TSC22D1: variants seen among roughly 807,000 people sequenced by gnomAD.
TSC22D1 encodes TSC22 domain family member 1, also known as TSC22 domain family protein 1.
A neutral mutation model predicts 74.2 loss-of-function variants in TSC22D1; 9 were observed. The ratio of observed to expected loss-of-function variants is 0.12; its 90% CI spans 0.07 to 0.21. TSC22D1 has a LOEUF of 0.21. Ranked by LOEUF, TSC22D1 falls within the 10% of genes least tolerant of loss-of-function variation. TSC22D1 has a pLI of 1.00. For synonymous variants in TSC22D1, 586 were observed against 492.5 expected (o/e 1.19, Z -2.51); for missense variants, 1,427 against 1,304.7 (o/e 1.09, Z -1.44).
At position 44,434,167 on chromosome 13, in the gene TSC22D1, T is replaced by C; in HGVS notation, c.*459A>G. 6.8e-7 allele frequency: 1 copy of C among 1,478,308 alleles called. No individual in the cohort carries two copies. The highest frequency in any genetic ancestry group is 1.4e-5 in the South Asian group (1 of 73,938). 91.6% of individuals were successfully genotyped at this position (1,478,308 alleles called of 1,614,324 possible). ...TGAACTCTGTTCCCCCTCATTTTAG[T>C]CTTTTTACCCTCCTTTCAAGTTCCT... On this transcript the variant is annotated 3_prime_UTR_variant, in exon 3 of 3. Coordinates refer to ENST00000458659, the MANE Select transcript of TSC22D1 (RefSeq NM_183422.4).
rs1341806098 is a variant in TSC22D1 at position 44,433,715 on chromosome 13, T to C, written c.*911A>G. On this transcript the variant is annotated 3_prime_UTR_variant, in exon 3 of 3. Transcript: ENST00000458659. ...GCATTTTTCAAAGTATTCAACCAGC[T>C]CAATTGAAAGACTTCAGTGAACAAG... The C allele has an allele frequency of 2.2e-6, 1 of 451,998 alleles. No individual in the cohort carries two copies. The highest frequency in any genetic ancestry group is 3.9e-6 in the Non-Finnish European group (1 of 259,062). 28.0% of individuals were successfully genotyped at this position (451,998 alleles called of 1,614,324 possible). A position where few individuals can be genotyped will look rare whatever the true frequency, so the allele number is the denominator to read the frequency against.
At chr13:44,509,487 A>T (rs966821033) in intron 1 of TSC22D1, among the ~76,000 whole-genome samples, 1 of 152,182 alleles carries the variant, frequency 6.6e-6, no homozygotes, top group African/African-American at 2.4e-5. Flanking sequence ...AAAAATACAA[A>T]AAATGAGCCG....
At chr13:44,538,902 G>T in intron 1 of TSC22D1, 2 of 985,310 alleles carry the variant, frequency 2.0e-6, no homozygotes, top group Non-Finnish European at 2.4e-6. Context: ...GGCAATTAAA[G>T]AACAAATAAA....
chr13:44,528,820 T>C (rs1006742818), intron 1 of TSC22D1, among the ~76,000 whole-genome samples: 9 of 152,034 alleles, frequency 5.9e-5, no homozygotes, highest in Non-Finnish European at 1.3e-4. Flanking sequence ...ACTGATCCCA[T>C]GGGTATTAAA....
intron 1 of TSC22D1, among the ~76,000 whole-genome samples, chr13:44,476,036 C>T (rs192792664): frequency 2.1e-4 from 32 of 152,318 alleles, no homozygotes; most frequent in Admixed American, 1.8e-3. Context: ...ATATAATATA[C>T]TCTGGGGACT....
At chr13:44,491,714 C>T (rs1326744825) in intron 1 of TSC22D1, among the ~76,000 whole-genome samples, 1 of 152,074 alleles carries the variant, frequency 6.6e-6, no homozygotes, top group Non-Finnish European at 1.5e-5. Flanking sequence ...ACATGCTTAG[C>T]TTGAAATTAA....
chr13:44,439,339 T>A (rs1224248614), intron 1 of TSC22D1, among the ~76,000 whole-genome samples: 1 of 152,226 alleles, frequency 6.6e-6, no homozygotes, highest in Non-Finnish European at 1.5e-5. Flanking sequence ...TCTCATATAT[T>A]TCACATAAAT....
chr13:44,485,488 C>T (rs2137943134), intron 1 of TSC22D1, among the ~76,000 whole-genome samples: 1 of 152,108 alleles, frequency 6.6e-6, no homozygotes. Context: ...AAATATTAGA[C>T]CTCTAGATTA....
chr13:44,516,957 C>A (rs1880018459), intron 1 of TSC22D1, among the ~76,000 whole-genome samples: 1 of 151,562 alleles, frequency 6.6e-6, no homozygotes, highest in African/African-American at 2.4e-5. Context: ...CTTCTTCCTG[C>A]CACCTGCTGA....
chr13:44,487,521 A>AAAAAAAAAAAG (rs1566135759), intron 1 of TSC22D1, among the ~76,000 whole-genome samples: 2 of 147,816 alleles, frequency 1.4e-5, no homozygotes, highest in South Asian at 2.1e-4. Flanking sequence ...AAAAAAAAAA[A>AAAAAAAAAAAG]AAAAAAGAAA....
chr13:44,458,562 A>G (rs1325903932), intron 1 of TSC22D1, among the ~76,000 whole-genome samples: 1 of 151,974 alleles, frequency 6.6e-6, no homozygotes, highest in East Asian at 1.9e-4. Flanking sequence ...AGTTAGCAGG[A>G]CAGAAGCCTG....
intron 1 of TSC22D1, among the ~76,000 whole-genome samples, chr13:44,494,324 C>T (rs948312629): frequency 7.8e-6 from 1 of 127,480 alleles, no homozygotes; most frequent in South Asian, 2.5e-4. Context: ...TGCAGTGAGC[C>T]GAGATCACAC....
At chr13:44,551,313 GTGTGT>G (rs1566169370) in intron 1 of TSC22D1, among the ~76,000 whole-genome samples, 17 of 139,086 alleles carry the variant, frequency 1.2e-4, no homozygotes, top group African/African-American at 4.5e-4. Context: ...AGCTGGGGGT[GTGTGT>G]GTGTGTGTGT....
rs371006576 is a variant in TSC22D1 at position 44,576,267 on chromosome 13, G to C, written c.-193C>G. The C allele has an allele frequency of 2.5e-6, 2 of 808,820 alleles. No homozygotes were observed. The highest frequency in any genetic ancestry group is 1.7e-5 in the African/African-American group (1 of 57,584). 50.1% of individuals were successfully genotyped at this position (808,820 alleles called of 1,614,324 possible). A position where few individuals can be genotyped will look rare whatever the true frequency, so the allele number is the denominator to read the frequency against. On this transcript the variant is annotated 5_prime_UTR_variant, in exon 1 of 3. Coordinates refer to ENST00000458659, the MANE Select transcript of TSC22D1 (RefSeq NM_183422.4). Reference sequence around the variant, plus strand: ...GCGAGCTTCGGAAAGGAGGATGAACGAGGGTGAACAGGGCGGCCGGGGACC... The same window carrying C: ...GCGAGCTTCGGAAAGGAGGATGAACCAGGGTGAACAGGGCGGCCGGGGACC...
chr13:44,444,838 G>A (rs1875508601), intron 1 of TSC22D1, among the ~76,000 whole-genome samples: 1 of 151,950 alleles, frequency 6.6e-6, no homozygotes, highest in African/African-American at 2.4e-5. Flanking sequence ...TTCTTATAAA[G>A]ACACAACCTA....
At chr13:44,446,901 T>G (rs1875725407) in intron 1 of TSC22D1, among the ~76,000 whole-genome samples, 2 of 152,074 alleles carry the variant, frequency 1.3e-5, no homozygotes, top group Admixed American at 6.6e-5. Flanking sequence ...TATCTAATCT[T>G]TATATTTTCA....
rs1410300240 is a variant in TSC22D1, at chr13:44,433,119, T to G, written c.*1507A>C. 1 of 152,242 alleles carries G rather than the reference T, an allele frequency of 6.6e-6. No individual in the cohort carries two copies. The highest frequency in any genetic ancestry group is 1.9e-4 in the East Asian group (1 of 5,200). The allele number at this position is 152,242 out of a possible 1,614,324, so 9.4% of individuals were successfully genotyped here. On this transcript the variant is annotated 3_prime_UTR_variant, in exon 3 of 3. Transcript: ENST00000458659. Reference sequence around the variant, plus strand: ...ATCAGCTTCTCCAACTTCCGTCTTTTGATCCTAGATCTGCTTATTCCAATT... The same window carrying G: ...ATCAGCTTCTCCAACTTCCGTCTTTGGATCCTAGATCTGCTTATTCCAATT...
chr13:44,456,221 C>T (rs1876625116), intron 1 of TSC22D1, among the ~76,000 whole-genome samples: 1 of 152,200 alleles, frequency 6.6e-6, no homozygotes. Flanking sequence ...AGTAAAACAA[C>T]AAAGCTTCCA....
At position 44,456,876 on chromosome 13, in the gene TSC22D1, A is replaced by G. The variant is rs371574486; in HGVS notation, c.2913-20781T>C. On this transcript the variant is annotated intron_variant, in intron 1 of 2. Transcript: ENST00000458659. ...ACAGGAAAGAAAATAAATAACAGCT[A>G]TTAATATTTAGAAGGGCTAACACCC... Among the ~76,000 whole-genome samples, 68 of 152,350 alleles carry G rather than the reference A, an allele frequency of 4.5e-4. No individual in the cohort carries two copies. In the East Asian group the frequency reaches 6.4e-3, roughly 14 times the overall value.
Sources: allele counts gnomAD v4.1 joint callset (sites outside exome capture counted in the v4.1 genomes callset), GRCh38; gene constraint gnomAD v4.1.1; transcripts MANE v1.5; gene names NCBI Gene and HGNC (gene_info 2026-07-23, HGNC 2026-07-21).